Variants in PPEF2 observed in about 807,000 individuals in gnomAD.
PPEF2 encodes protein phosphatase with EF-hand domain 2.
A neutral mutation model predicts 84.7 loss-of-function variants in PPEF2; 84 were observed. The observed-to-expected ratio is 0.99, with a 90% CI of 0.83 to 1.19. The LOEUF is 1.19. PPEF2 is among the 50% of genes most tolerant of loss of function. The pLI, the probability that PPEF2 is intolerant of heterozygous loss-of-function variation, is 0.00. For missense variants in PPEF2, 924 were observed against 937.5 expected, an observed-to-expected ratio of 0.99 and a Z score of 0.19; for synonymous variants, 346 against 345.2, an observed-to-expected ratio of 1.00 and a Z score of -0.03.
chr4:75,872,503 C>T (rs957804780), intron 12 of PPEF2, among the ~76,000 whole-genome samples: 1 of 152,158 alleles, frequency 6.6e-6, no homozygotes, highest in East Asian at 1.9e-4. Flanking sequence ...ATGGCCATTA[C>T]AATGAGCAAG....
rs749490353 is a variant in PPEF2, at chr4:75,883,182, A to T, written c.767T>A (p.Val256Glu). The T allele has an allele frequency of 6.2e-7, 1 of 1,613,720 alleles. No individual in the cohort carries two copies. The highest frequency in any genetic ancestry group is 8.5e-7 in the Non-Finnish European group (1 of 1,179,844). The part of the protein sequence containing the change: ...VNLRYGFTKE[V>E]MNKYKVHGKE... ...GCAGCGCACCTTGTATTTATTCATC[A>T]CTTCCTTGGTGAAGCCATATCTAGA... Residue 256 changes from valine (V) to glutamate (E), a missense_variant, in exon 9 of 17, where the codon GTG becomes GAG. Val to Glu is a moderately radical substitution (Grantham distance 121). Transcript: ENST00000286719.
At chr4:75,880,859 G>T (rs1424585857) in intron 10 of PPEF2, among the ~76,000 whole-genome samples, 10 of 149,544 alleles carry the variant, frequency 6.7e-5, no homozygotes, top group African/African-American at 2.5e-4. Flanking sequence ...GAGTGCAGTG[G>T]CACAATCTTG....
intron 12 of PPEF2, among the ~76,000 whole-genome samples, chr4:75,872,634 G>C (rs887709800): frequency 1.3e-5 from 2 of 152,138 alleles, no homozygotes; most frequent in South Asian, 2.1e-4. Flanking sequence ...GCTAGATACT[G>C]TATCTCTTCC....
chr4:75,867,355 C>T lies in PPEF2; in HGVS notation c.1714G>A (p.Asp572Asn), dbSNP rs1392156402. The T allele has an allele frequency of 1.2e-6, 2 of 1,614,016 alleles. No individual in the cohort carries two copies. Residue 572 changes from aspartate (D) to asparagine (N), a missense_variant, in exon 14 of 17, where the codon GAT becomes AAT. Asp to Asn is a conservative substitution (Grantham distance 23, BLOSUM62 1). Coordinates refer to ENST00000286719, the MANE Select transcript of PPEF2 (RefSeq NM_006239.3). ...LREKLFAHSS[D>N]LLSEFKKHDA... ...TGCTTCTTAAATTCACTGAGAAGATCTGAAGAATGAGCAAACAGCTTCTCC... is the reference window on the plus strand; with the variant it reads ...TGCTTCTTAAATTCACTGAGAAGATTTGAAGAATGAGCAAACAGCTTCTCC...
intron 2 of PPEF2, among the ~76,000 whole-genome samples, chr4:75,892,896 C>T (rs1302965914): frequency 6.6e-6 from 1 of 151,706 alleles, no homozygotes. Flanking sequence ...GTGGATAAAG[C>T]TGGATTAGAA....
intron 2 of PPEF2, among the ~76,000 whole-genome samples, chr4:75,895,727 G>A (rs1042016079): frequency 7.1e-6 from 1 of 141,550 alleles, no homozygotes; most frequent in Admixed American, 6.8e-5. Flanking sequence ...GCAAGACTCC[G>A]CCTCAAAAAA....
intron 14 of PPEF2, among the ~76,000 whole-genome samples, chr4:75,866,760 A>T (rs1724142054): frequency 6.6e-6 from 1 of 152,216 alleles, no homozygotes; most frequent in Admixed American, 6.5e-5. Context: ...TTTAAAAAAA[A>T]TTAAACCACC....
intron 8 of PPEF2, 108 bp downstream of exon 8, chr4:75,884,486 T>G (rs1724669465): frequency 3.0e-6 from 4 of 1,324,144 alleles, no homozygotes; most frequent in Non-Finnish European, 4.1e-6. Context: ...TTAAAAAAAT[T>G]GGAAAACTAG....
intron 1 of PPEF2, among the ~76,000 whole-genome samples, chr4:75,899,626 A>G (rs1725077567): frequency 6.6e-6 from 1 of 152,160 alleles, no homozygotes; most frequent in Non-Finnish European, 1.5e-5. Flanking sequence ...TTAAAGTCTT[A>G]CCTTGCTTAT....
At chr4:75,870,238 C>A (rs1560480635) in intron 13 of PPEF2, among the ~76,000 whole-genome samples, 1 of 152,142 alleles carries the variant, frequency 6.6e-6, no homozygotes. Flanking sequence ...GGTACCAGGG[C>A]TCACCCCTGG....
rs186871212 is a variant in PPEF2, at chr4:75,879,332, G to A, written c.934-2659C>T. Among the ~76,000 whole-genome samples the A allele has an allele frequency of 9.7e-4, 148 of 152,332 alleles. 3 individuals are homozygous for A. The East Asian group carries it at 0.017, about 18-fold the overall frequency. On this transcript the variant is annotated intron_variant, in intron 10 of 16. Coordinates refer to ENST00000286719, the MANE Select transcript of PPEF2 (RefSeq NM_006239.3). ...AAAATCTTCTAATACTAGCTTATAA[G>A]TGAGTAGCTGCTTCCTACTTTAACA...
chr4:75,870,391 C>T (rs1724237144), intron 13 of PPEF2, among the ~76,000 whole-genome samples: 1 of 152,088 alleles, frequency 6.6e-6, no homozygotes, highest in Non-Finnish European at 1.5e-5. Context: ...GTGAGGCTGG[C>T]CTATATTTAA....
intron 11 of PPEF2, among the ~76,000 whole-genome samples, chr4:75,874,021 T>A (rs1007525984): frequency 2.0e-5 from 3 of 151,814 alleles, no homozygotes; most frequent in Non-Finnish European, 4.4e-5. Flanking sequence ...GGCAGGAGAA[T>A]CACTGTAACC....
rs1282908283 is a variant in PPEF2, at chr4:75,884,723, T to C, written c.617A>G (p.Asn206Ser). ...CTTGCCTCGATCCACAAAGTCACCGTTGAACACATATGACCGTTCTGGCGA... is the reference window on the plus strand; with the variant it reads ...CTTGCCTCGATCCACAAAGTCACCGCTGAACACATATGACCGTTCTGGCGA... ...LPSPERSYVF[N>S]GDFVDRGKDS... The change falls in exon 8 of 17, where the codon AAC (asparagine) becomes AGC (serine). Residue 206 changes from asparagine to serine, a missense_variant. Physicochemically the swap from Asn to Ser is conservative, Grantham distance 46 (BLOSUM62 1). Coordinates refer to ENST00000286719, the MANE Select transcript of PPEF2 (RefSeq NM_006239.3). 2 of 1,610,914 alleles carry C rather than the reference T, an allele frequency of 1.2e-6. No homozygotes were observed. The highest frequency in any genetic ancestry group is 2.2e-5 in the East Asian group (1 of 44,864).
chr4:75,873,076 G>C, intron 12 of PPEF2, 51 bp downstream of exon 12: 1 of 1,524,498 alleles, frequency 6.6e-7, no homozygotes, highest in Non-Finnish European at 9.0e-7. Flanking sequence ...TGAGCCCTTC[G>C]GACTACTTTG....
In PPEF2 at chr4:75,891,866, C is replaced by T. The variant is rs181697129; in HGVS notation, c.168G>A (p.Gln56=). 1.2e-4 allele frequency: 198 copies of T among 1,612,680 alleles called. 2 individuals are homozygous for T. In the East Asian group the frequency reaches 2.5e-3, roughly 20 times the overall value. The change falls in exon 3 of 17, where the codon CAG becomes CAA. Residue 56 remains glutamine, a synonymous_variant. Transcript: ENST00000286719. Reference sequence around the variant, plus strand: ...CTCATTGTACCTTGACTTGGTCTTGCTGCCCAGCATATTCTATAGACTGGA... The same window carrying T: ...CTCATTGTACCTTGACTTGGTCTTGTTGCCCAGCATATTCTATAGACTGGA... ...SIFQSIEYAG[Q]QDQVKLHDFF...
chr4:75,882,208 A>T (rs1039015646), intron 10 of PPEF2, among the ~76,000 whole-genome samples: 9 of 152,130 alleles, frequency 5.9e-5, no homozygotes, highest in Non-Finnish European at 5.9e-5. Flanking sequence ...TCTCTGTAAC[A>T]CTTTCTTTGC....
chr4:75,901,445 T>C lies in PPEF2; in HGVS notation c.-59+785A>G, dbSNP rs149449036. ...CTGAGGCAGGAGAATCGCTTGAACCTGGGAGGTGGAAGTTGTAGTGAGCCA... is the reference window on the plus strand; with the variant it reads ...CTGAGGCAGGAGAATCGCTTGAACCCGGGAGGTGGAAGTTGTAGTGAGCCA... On this transcript the variant is annotated intron_variant, in intron 1 of 16. Coordinates refer to ENST00000286719, the MANE Select transcript of PPEF2 (RefSeq NM_006239.3). 9.0e-3 allele frequency among the ~76,000 whole-genome samples: 1,358 copies of C among 151,392 alleles called. 22 individuals carry two copies. Among genetic ancestry groups the C allele is most frequent in the African/African-American group, 0.029 (1,196 of 41,166 alleles).
rs766474177 is a variant in PPEF2 at position 75,860,859 on chromosome 4, G to C, written c.2070C>G (p.Ile690Met). The change falls in exon 17 of 17, where the codon ATC (isoleucine) becomes ATG (methionine). Residue 690 changes from isoleucine (I) to methionine (M), a missense_variant. Transcript: ENST00000286719. ...TWKLFSSHMN[I>M]DITDDCICDL... ...CACAGATGCAGTCATCTGTAATGTC[G>C]ATATTCATGTGAGAGCTGAACAGCT... The C allele has an allele frequency of 2.5e-6, 4 of 1,614,050 alleles. No individual in the cohort carries two copies. Among genetic ancestry groups the C allele is most frequent in the African/African-American group, 1.3e-5 (1 of 74,916 alleles).
Sources: gnomAD v4.1 joint callset for allele counts (sites outside exome capture counted in the v4.1 genomes callset) on GRCh38, gnomAD v4.1.1 for gene constraint, MANE v1.5 for transcripts, NCBI Gene and HGNC (gene_info 2026-07-23, HGNC 2026-07-21) for gene names.